The following CDH7 variants were observed in gnomAD, a reference collection of about 807,000 sequenced individuals.
The protein encoded by CDH7 is cadherin 7, also known as cadherin-7.
CDH7 carries 25 observed loss-of-function variants against 71.8 expected under a neutral mutation model. That is an observed-to-expected ratio of 0.35 (90% CI 0.25 to 0.49). CDH7 has a LOEUF of 0.49. Among genes scored for constraint, CDH7 ranks in the 20% least tolerant of loss-of-function variants. The pLI, the probability that CDH7 is intolerant of heterozygous loss-of-function variation, is 0.99. For missense variants in CDH7, 862 were observed against 974.6 expected (o/e 0.88, Z 1.54); for synonymous variants, 381 against 363.8 (o/e 1.05, Z -0.54).
intron 11 of CDH7, among the ~76,000 whole-genome samples, chr18:65,870,240 A>C (rs1391735880): frequency 6.6e-6 from 1 of 152,194 alleles, no homozygotes; most frequent in Admixed American, 6.5e-5. Flanking sequence ...TATCCTTTGC[A>C]AAAATAAAAG....
rs1055974940 is a variant in CDH7 at position 65,886,573 on chromosome 18, T to TC, written c.*5682dup. 1 of 152,154 alleles carries TC rather than the reference T, an allele frequency of 6.6e-6. No homozygotes were observed. The highest frequency in any genetic ancestry group is 1.5e-5 in the Non-Finnish European group (1 of 68,006). 9.4% of individuals were successfully genotyped at this position (152,154 alleles called of 1,614,324 possible). A position where few individuals can be genotyped will look rare whatever the true frequency, so the allele number is the denominator to read the frequency against. On this transcript the variant is annotated 3_prime_UTR_variant, in exon 12 of 12. Coordinates refer to ENST00000397968, the MANE Select transcript of CDH7 (RefSeq NM_004361.5). ...AAGATAAAGGACTGCCTTTAGATGA[T>TC]CCCAGCCTCATTGATGAACACAAAA...
chr18:65,797,206 C>T (rs1277149854), intron 2 of CDH7, among the ~76,000 whole-genome samples: 1 of 152,106 alleles, frequency 6.6e-6, no homozygotes, highest in Non-Finnish European at 1.5e-5. Flanking sequence ...TATGCCTTTC[C>T]AGAGTCCATG....
chr18:65,772,175 G>A (rs1020091916), intron 2 of CDH7, among the ~76,000 whole-genome samples: 1 of 152,130 alleles, frequency 6.6e-6, no homozygotes, highest in African/African-American at 2.4e-5. Flanking sequence ...TGAAAGATTT[G>A]TGATGATCAC....
chr18:65,871,250 T>C (rs985589495), intron 11 of CDH7, among the ~76,000 whole-genome samples: 7 of 152,192 alleles, frequency 4.6e-5, no homozygotes, highest in African/African-American at 7.2e-5. Flanking sequence ...ATAAAGACAG[T>C]TATCGCCTAC....
intron 2 of CDH7, among the ~76,000 whole-genome samples, chr18:65,768,526 T>C (rs1035344844): frequency 2.0e-5 from 3 of 152,170 alleles, no homozygotes; most frequent in African/African-American, 7.2e-5. Context: ...TTTAACATTG[T>C]ATTTATATTG....
chr18:65,768,410 T>A (rs762243250), intron 2 of CDH7, among the ~76,000 whole-genome samples: 2 of 152,114 alleles, frequency 1.3e-5, no homozygotes, highest in Non-Finnish European at 2.9e-5. Context: ...GGTTTTTGTA[T>A]TTTTAGTAGA....
At chr18:65,867,282 G>T (rs1051917556) in intron 11 of CDH7, among the ~76,000 whole-genome samples, 8 of 152,018 alleles carry the variant, frequency 5.3e-5, no homozygotes, top group Non-Finnish European at 4.4e-5. Context: ...TGATCCACCC[G>T]CCTTGGCCTC....
chr18:65,873,339 A>G (rs1417774485), intron 11 of CDH7, among the ~76,000 whole-genome samples: 1 of 152,194 alleles, frequency 6.6e-6, no homozygotes, highest in African/African-American at 2.4e-5. Flanking sequence ...CTGGTGTTTG[A>G]GTCTTTTGTT....
chr18:65,763,381 A>G (rs1916261017), intron 2 of CDH7, among the ~76,000 whole-genome samples: 1 of 152,182 alleles, frequency 6.6e-6, no homozygotes, highest in African/African-American at 2.4e-5. Context: ...ACTATTCATA[A>G]AAAATGAAGA....
intron 6 of CDH7, among the ~76,000 whole-genome samples, chr18:65,827,346 CATA>C (rs1912170305): frequency 6.6e-6 from 1 of 151,760 alleles, no homozygotes; most frequent in South Asian, 2.1e-4. Context: ...TGAAAAATTT[CATA>C]ATATTACTTC....
intron 2 of CDH7, among the ~76,000 whole-genome samples, chr18:65,807,724 C>A (rs1599020269): frequency 6.6e-6 from 1 of 152,154 alleles, no homozygotes; most frequent in Non-Finnish European, 1.5e-5. Context: ...GGAGTCAAGT[C>A]TTTTGCTATG....
intron 2 of CDH7, among the ~76,000 whole-genome samples, chr18:65,786,061 A>G (rs1910502271): frequency 6.6e-6 from 1 of 152,194 alleles, no homozygotes; most frequent in African/African-American, 2.4e-5. Flanking sequence ...AATGGTAGTG[A>G]TTGATCTGAG....
In CDH7 at chr18:65,809,845, T is replaced by C; in HGVS notation, c.352T>C (p.Tyr118His). The C allele has an allele frequency of 1.2e-6, 2 of 1,613,950 alleles. No homozygotes were observed. The highest frequency in any genetic ancestry group is 1.7e-6 in the Non-Finnish European group (2 of 1,179,962). ...ACTGGATCGTGAGGAGCAGGCCTACTACACGCTCCGAGCTCAAGCGCTGGA... is the reference window on the plus strand; with the variant it reads ...ACTGGATCGTGAGGAGCAGGCCTACCACACGCTCCGAGCTCAAGCGCTGGA... ...KRLDREEQAYYTLRAQALDRL... is the reference protein window; with the variant it reads ...KRLDREEQAYHTLRAQALDRL... Residue 118 changes from tyrosine (Y) to histidine (H), a missense_variant, in exon 3 of 12, where the codon TAC becomes CAC. Physicochemically the swap from Tyr to His is moderately conservative, Grantham distance 83. Transcript: ENST00000397968.
chr18:65,887,074 A>G lies in CDH7; in HGVS notation c.*6180A>G, dbSNP rs889018828. 2 of 152,088 alleles carry G rather than the reference A, an allele frequency of 1.3e-5. No homozygotes were observed. Among genetic ancestry groups the G allele is most frequent in the Non-Finnish European group, 2.9e-5 (2 of 68,002 alleles). 9.4% of individuals were successfully genotyped at this position (152,088 alleles called of 1,614,324 possible). On this transcript the variant is annotated 3_prime_UTR_variant, in exon 12 of 12. Coordinates refer to ENST00000397968, the MANE Select transcript of CDH7 (RefSeq NM_004361.5). ...TACAGCATACTTTCATTCAAAAACA[A>G]ACTTGCATTTTCATTTTATTAATGA...
intron 9 of CDH7, 40 bp from the exon 10 acceptor site, chr18:65,859,668 A>G: frequency 8.1e-7 from 1 of 1,232,444 alleles, no homozygotes; most frequent in Non-Finnish European, 1.2e-6. Context: ...TAAGCATAGC[A>G]CACCAATGTG....
At chr18:65,777,657 C>T (rs1323103896) in intron 2 of CDH7, among the ~76,000 whole-genome samples, 2 of 152,082 alleles carry the variant, frequency 1.3e-5, no homozygotes, top group Non-Finnish European at 2.9e-5. Context: ...GGAATGCATG[C>T]TCTCCTCCCA....
rs1040123872 is a variant in CDH7 at position 65,881,622 on chromosome 18, G to C, written c.*728G>C. The C allele has an allele frequency of 2.0e-5, 3 of 151,980 alleles. No individual in the cohort carries two copies. The highest frequency in any genetic ancestry group is 4.4e-5 in the Non-Finnish European group (3 of 67,958). 9.4% of individuals were successfully genotyped at this position (151,980 alleles called of 1,614,324 possible). A position where few individuals can be genotyped will look rare whatever the true frequency, so the allele number is the denominator to read the frequency against. On this transcript the variant is annotated 3_prime_UTR_variant, in exon 12 of 12. Coordinates refer to ENST00000397968, the MANE Select transcript of CDH7 (RefSeq NM_004361.5). ...AGGTATGATAAAAAAAAAAGTTGCT[G>C]TCTGTTCATTGATTTTTATTATCTC...
intron 2 of CDH7, among the ~76,000 whole-genome samples, chr18:65,778,271 C>CAAAAAAAAA (rs148841669): frequency 1.2e-5 from 1 of 84,332 alleles, no homozygotes; most frequent in Non-Finnish European, 2.8e-5. Flanking sequence ...GACTCTGTCT[C>CAAAAAAAAA]AAAAAAAAAA....
chr18:65,768,469 C>G (rs562744995), intron 2 of CDH7, among the ~76,000 whole-genome samples: 165 of 152,272 alleles, frequency 1.1e-3, no homozygotes, highest in African/African-American at 3.8e-3. Flanking sequence ...CTCCTGACTT[C>G]ACGTGATCTG....
Sources: gnomAD v4.1 joint callset for allele counts (sites outside exome capture counted in the v4.1 genomes callset) on GRCh38, gnomAD v4.1.1 for gene constraint, MANE v1.5 for transcripts, NCBI Gene and HGNC (gene_info 2026-07-23, HGNC 2026-07-21) for gene names.